ABCC11: variants seen among roughly 807,000 people sequenced by gnomAD.
ABCC11 encodes ATP-binding cassette sub-family C member 11.
In ABCC11, 135 loss-of-function variants were observed where a neutral mutation model predicts 149.3. The ratio of observed to expected loss-of-function variants is 0.90; its 90% CI spans 0.79 to 1.04. The LOEUF is 1.04. ABCC11 is among the 50% of genes least tolerant of loss of function. The pLI, the probability that ABCC11 is intolerant of heterozygous loss-of-function variation, is 0.00. For missense variants in ABCC11, 1,680 were observed against 1,722.1 expected, an observed-to-expected ratio of 0.98 and a Z score of 0.43; for synonymous variants, 665 against 671.4, an observed-to-expected ratio of 0.99 and a Z score of 0.15.
chr16:48,208,870 T>C (rs1387690480), intron 11 of ABCC11, among the ~76,000 whole-genome samples: 1 of 152,176 alleles, frequency 6.6e-6, no homozygotes, highest in Non-Finnish European at 1.5e-5. Context: ...TCACAGAATT[T>C]CATGCATGCA....
rs924448565 is a variant in ABCC11, at chr16:48,166,457, G to A, written c.*817C>T. On this transcript the variant is annotated 3_prime_UTR_variant, in exon 30 of 30. Coordinates refer to ENST00000356608, the MANE Select transcript of ABCC11 (RefSeq NM_001370497.1). ...CTCAAAACAGGCATCCTTTCATTCCGGCACCCAACCTTGAACTTTTTCTGT... is the reference window on the plus strand; with the variant it reads ...CTCAAAACAGGCATCCTTTCATTCCAGCACCCAACCTTGAACTTTTTCTGT... Among the ~76,000 whole-genome samples, 3 of 152,134 alleles carry A rather than the reference G, an allele frequency of 2.0e-5. No individual in the cohort carries two copies. Among genetic ancestry groups the A allele is most frequent in the Non-Finnish European group, 2.9e-5 (2 of 68,034 alleles).
chr16:48,184,944 C>T (rs1252726672), intron 22 of ABCC11, among the ~76,000 whole-genome samples: 1 of 152,164 alleles, frequency 6.6e-6, no homozygotes, highest in East Asian at 1.9e-4. Context: ...TGAATAAATG[C>T]CAGGACGTGT....
intron 4 of ABCC11, 90 bp downstream of exon 4, chr16:48,227,716 C>T: frequency 1.3e-6 from 2 of 1,569,046 alleles, no homozygotes; most frequent in South Asian, 1.1e-5. Context: ...TGGCATGGCC[C>T]CTCCCTACCA....
intron 22 of ABCC11, among the ~76,000 whole-genome samples, chr16:48,186,517 T>G (rs1041433909): frequency 1.3e-5 from 2 of 152,234 alleles, no homozygotes; most frequent in African/African-American, 2.4e-5. Context: ...GTTTGCTTGT[T>G]TGTTTCAACA....
At chr16:48,197,406 A>G (rs1425334773) in intron 17 of ABCC11, among the ~76,000 whole-genome samples, 1 of 152,146 alleles carries the variant, frequency 6.6e-6, no homozygotes, top group Non-Finnish European at 1.5e-5. Context: ...ACCTCATCTA[A>G]TCTCCACTTT....
chr16:48,174,939 T>C (rs1417151433), intron 26 of ABCC11, among the ~76,000 whole-genome samples: 1 of 152,226 alleles, frequency 6.6e-6, no homozygotes, highest in African/African-American at 2.4e-5. Flanking sequence ...TGGGCTCAAG[T>C]GATCCTCCTG....
intron 4 of ABCC11, among the ~76,000 whole-genome samples, chr16:48,226,787 G>T (rs8056143): frequency 6.6e-6 from 1 of 152,158 alleles, no homozygotes; most frequent in Admixed American, 6.5e-5. Flanking sequence ...TGCCTTCAAT[G>T]TGTTAAGTTG....
chr16:48,211,694 AT>A (rs1262823967), intron 10 of ABCC11, among the ~76,000 whole-genome samples: 2 of 151,862 alleles, frequency 1.3e-5, no homozygotes, highest in African/African-American at 2.4e-5. Flanking sequence ...AAAAAAAAAA[AT>A]CTACTTGTAG....
intron 13 of ABCC11, 54 bp downstream of exon 13, chr16:48,205,359 C>A: frequency 6.2e-7 from 1 of 1,602,368 alleles, no homozygotes; most frequent in South Asian, 1.1e-5. Flanking sequence ...GCTGGAGGTG[C>A]CCCCAGACCA....
intron 10 of ABCC11, among the ~76,000 whole-genome samples, chr16:48,213,137 G>A (rs1475476893): frequency 2.0e-5 from 3 of 152,216 alleles, no homozygotes; most frequent in Non-Finnish European, 4.4e-5. Flanking sequence ...CATCTATGGT[G>A]TTTTTCTAAA....
At chr16:48,203,386 T>G in intron 13 of ABCC11, 86 bp from the exon 14 acceptor site, 1 of 1,279,964 alleles carries the variant, frequency 7.8e-7, no homozygotes, top group South Asian at 1.3e-5. Context: ...TGGTCTTGAT[T>G]TTCATGCTAA....
chr16:48,189,924 C>T (rs112413246), intron 20 of ABCC11, among the ~76,000 whole-genome samples: 5,600 of 152,250 alleles, frequency 0.037, 136 homozygotes, highest in Middle Eastern at 0.068. Flanking sequence ...GTCAAAACCC[C>T]CACTCCCACC....
intron 12 of ABCC11, among the ~76,000 whole-genome samples, chr16:48,206,817 C>T (rs141135423): frequency 6.6e-6 from 1 of 152,312 alleles, no homozygotes; most frequent in Admixed American, 6.5e-5. Flanking sequence ...CCTCTCAGAA[C>T]CTCACGTACT....
At chr16:48,225,785 A>T (rs1970033420) in intron 4 of ABCC11, among the ~76,000 whole-genome samples, 1 of 152,148 alleles carries the variant, frequency 6.6e-6, no homozygotes, top group African/African-American at 2.4e-5. Flanking sequence ...CGCCACCTCC[A>T]CTAGTGCTGG....
Position 48,203,287 on chromosome 16 carries a change from G to C in ABCC11, c.1819C>G (p.Leu607Val). 6.3e-7 allele frequency: 1 copy of C among 1,579,690 alleles called. No homozygotes were observed. The highest frequency in any genetic ancestry group is 8.6e-7 in the Non-Finnish European group (1 of 1,161,956). ...AYDKARYLQV[L>V]HCCSLNRDLE... Reference sequence around the variant, plus strand: ...TCCCGATTCAGGGAGCAGCAGTGGAGCACCTGGAGGTATCTGTGAAGGACA... The same window carrying C: ...TCCCGATTCAGGGAGCAGCAGTGGACCACCTGGAGGTATCTGTGAAGGACA... Residue 607 changes from leucine (L) to valine (V), a missense_variant, in exon 14 of 30, where the codon CTC becomes GTC. Leu to Val is a conservative substitution (Grantham distance 32, BLOSUM62 1). Transcript: ENST00000356608.
rs199774602 is a variant in ABCC11 at position 48,200,452 on chromosome 16, C to A, written c.1906G>T (p.Gly636Trp). The stretch of plus-strand genomic sequence containing the variant: ...AGGCTGATCCTCTGTTTCTGCCCCC[C>A]AGAGAGGTTGAGGCCCCGCTCTCCA... ...EIGERGLNLSGGQKQRISLAR... is the reference protein window; with the variant it reads ...EIGERGLNLSWGQKQRISLAR... The change falls in exon 15 of 30, where the codon GGG becomes TGG. Residue 636 changes from glycine (G) to tryptophan (W), a missense_variant. By Grantham distance (184) the Gly-to-Trp change is radical (BLOSUM62 -2). Coordinates refer to ENST00000356608, the MANE Select transcript of ABCC11 (RefSeq NM_001370497.1). 6 of 1,614,182 alleles carry A rather than the reference C, an allele frequency of 3.7e-6. No homozygotes were observed. The highest frequency in any genetic ancestry group is 1.1e-5 in the South Asian group (1 of 91,078).
rs371276907 is a variant in ABCC11, at chr16:48,216,403, G to C, written c.778-116C>G. ...GGAAGGCTTGAAAGGAAGGGTGGAA[G>C]AGTAGAGACAGACACCCCAGGTTCA... is the stretch of plus-strand genomic sequence containing the variant. On this transcript the variant is annotated intron_variant, in intron 6 of 29. Transcript: ENST00000356608. The C allele has an allele frequency of 3.9e-5, 39 of 1,007,968 alleles. 1 individual carries two copies. The Middle Eastern group carries it at 1.3e-3, about 35-fold the overall frequency. The allele number at this position is 1,007,968 out of a possible 1,614,324, so 62.4% of individuals were successfully genotyped here.
At chr16:48,233,942 G>A (rs1418310859) in intron 1 of ABCC11, among the ~76,000 whole-genome samples, 1 of 152,216 alleles carries the variant, frequency 6.6e-6, no homozygotes, top group East Asian at 1.9e-4. Flanking sequence ...TTGCTGAATA[G>A]TTTTCAAATG....
chr16:48,239,394 C>G (rs1484921351), intron 1 of ABCC11, among the ~76,000 whole-genome samples: 1 of 151,890 alleles, frequency 6.6e-6, no homozygotes, highest in Non-Finnish European at 1.5e-5. Flanking sequence ...AACCCCGTCT[C>G]TACCAAAAAT....
Sources: gnomAD v4.1 joint callset for allele counts (sites outside exome capture counted in the v4.1 genomes callset) on GRCh38, gnomAD v4.1.1 for gene constraint, MANE v1.5 for transcripts, NCBI Gene and HGNC (gene_info 2026-07-23, HGNC 2026-07-21) for gene names.